Variants in ERICH1 observed in about 807,000 individuals in gnomAD.
The protein encoded by ERICH1 is glutamate-rich protein 1.
A neutral mutation model predicts 39.6 loss-of-function variants in ERICH1; 56 were observed. The observed-to-expected ratio is 1.41, with a 90% CI of 1.14 to 1.77. ERICH1 has a LOEUF of 1.77. ERICH1 is among the 40% of genes most tolerant of loss of function. The pLI is 0.00. For synonymous variants in ERICH1, 313 were observed against 223.6 expected, an observed-to-expected ratio of 1.40 and a Z score of -3.57; for missense variants, 826 against 575.4, an observed-to-expected ratio of 1.44 and a Z score of -4.45.
At chr8:655,936 C>A (rs1298532024) in intron 3 of ERICH1, among the ~76,000 whole-genome samples, 1 of 152,152 alleles carries the variant, frequency 6.6e-6, no homozygotes, top group Admixed American at 6.5e-5. Flanking sequence ...CGCAGTTACA[C>A]CCAATCGCAA....
chr8:687,188 G>C (rs534476598), intron 3 of ERICH1, among the ~76,000 whole-genome samples: 2 of 152,200 alleles, frequency 1.3e-5, no homozygotes, highest in Non-Finnish European at 2.9e-5. Flanking sequence ...CATCACAACA[G>C]CTCTCCACAG....
At chr8:688,749 T>A (rs1384201445) in intron 3 of ERICH1, among the ~76,000 whole-genome samples, 2 of 152,058 alleles carry the variant, frequency 1.3e-5, no homozygotes, top group African/African-American at 4.8e-5. Context: ...TGCTACTGAA[T>A]AAAAACAATG....
chr8:717,965 C>T (rs1210921188), intron 1 of ERICH1, among the ~76,000 whole-genome samples: 1 of 152,248 alleles, frequency 6.6e-6, no homozygotes, highest in Non-Finnish European at 1.5e-5. Context: ...ACAGAGTTTT[C>T]TGAAACAAGG....
At chr8:696,191 T>TC (rs1208582395) in intron 2 of ERICH1, among the ~76,000 whole-genome samples, 1 of 24,112 alleles carries the variant, frequency 4.1e-5, no homozygotes. Context: ...CACCCTCCAC[T>TC]CCTCTCCTTC....
At chr8:709,237 T>C (rs745901532) in intron 2 of ERICH1, among the ~76,000 whole-genome samples, 7 of 152,158 alleles carry the variant, frequency 4.6e-5, no homozygotes, top group South Asian at 2.1e-4. Flanking sequence ...TTGCTTGTAA[T>C]TGAAGGGTCT....
At chr8:726,960 CACATGCACACACGTACACAT>C (rs1563377662) in intron 1 of ERICH1, among the ~76,000 whole-genome samples, 1,921 of 137,344 alleles carry the variant, frequency 0.014, 59 homozygotes, top group African/African-American at 0.066. Flanking sequence ...CAGGCACATA[CACATGCACACACGTACACAT>C]ACACATACAC....
intron 3 of ERICH1, among the ~76,000 whole-genome samples, chr8:636,768 C>G (rs1005754750): frequency 2.0e-5 from 3 of 152,362 alleles, no homozygotes; most frequent in East Asian, 1.9e-4. Context: ...CTGATGAGGC[C>G]CCAGACGTGC....
At chr8:715,346 T>A (rs1563337564) in intron 2 of ERICH1, among the ~76,000 whole-genome samples, 1 of 151,808 alleles carries the variant, frequency 6.6e-6, no homozygotes, top group Non-Finnish European at 1.5e-5. Flanking sequence ...GTGAGCGGAG[T>A]TGCACTGCAG....
At chr8:621,858 T>C (rs1439861662) in intron 3 of ERICH1, among the ~76,000 whole-genome samples, 1 of 152,164 alleles carries the variant, frequency 6.6e-6, no homozygotes, top group African/African-American at 2.4e-5. Context: ...TAGAAAAACA[T>C]AAACTACCCA....
chr8:686,669 G>C (rs1694888283), intron 3 of ERICH1: 1 of 152,230 alleles, frequency 6.6e-6, no homozygotes, highest in African/African-American at 2.4e-5. Flanking sequence ...AGCCTTTTCT[G>C]ATGGCCCAGG....
chr8:664,735 G>A, intron 5 of ERICH1, 59 bp from the exon 6 acceptor site: 1 of 1,431,010 alleles, frequency 7.0e-7, no homozygotes, highest in South Asian at 1.2e-5. Flanking sequence ...AAAATCATAA[G>A]TTATTATTAT....
intron 1 of ERICH1, among the ~76,000 whole-genome samples, chr8:724,856 A>T (rs1818209220): frequency 6.6e-6 from 1 of 152,092 alleles, no homozygotes. Context: ...GGAACCCAGA[A>T]CCCGGGAAGC....
chr8:688,077 C>T (rs893476466), intron 3 of ERICH1, among the ~76,000 whole-genome samples: 1 of 152,182 alleles, frequency 6.6e-6, no homozygotes, highest in Non-Finnish European at 1.5e-5. Flanking sequence ...ATTCCTCAGG[C>T]ACCCAATGCA....
chr8:681,190 C>T (rs1044048245), intron 3 of ERICH1, among the ~76,000 whole-genome samples: 1 of 152,184 alleles, frequency 6.6e-6, no homozygotes, highest in Admixed American at 6.5e-5. Flanking sequence ...CAGGGTCACC[C>T]AAATCGCCAC....
chr8:633,122 C>T (rs577056458), intron 3 of ERICH1, among the ~76,000 whole-genome samples: 3 of 151,948 alleles, frequency 2.0e-5, no homozygotes, highest in East Asian at 3.9e-4. Context: ...GTGGAGCCAC[C>T]GTGGTGCTGC....
intron 3 of ERICH1, among the ~76,000 whole-genome samples, chr8:682,186 G>A (rs986924756): frequency 4.6e-5 from 7 of 152,058 alleles, no homozygotes; most frequent in African/African-American, 1.7e-4. Context: ...GGTCTGACAG[G>A]TGTCTTGACC....
intron 3 of ERICH1, among the ~76,000 whole-genome samples, chr8:634,914 C>G (rs1330440371): frequency 1.3e-5 from 2 of 152,174 alleles, no homozygotes; most frequent in African/African-American, 2.4e-5. Context: ...CCGCAAGGAC[C>G]TTGGGAGCTG....
chr8:683,035 T>C (rs1806483944), intron 3 of ERICH1, among the ~76,000 whole-genome samples: 1 of 152,206 alleles, frequency 6.6e-6, no homozygotes, highest in Non-Finnish European at 1.5e-5. Flanking sequence ...GTTGTTTGCC[T>C]AAAATCCAGG....
chr8:627,356 A>G (rs1797649735), intron 3 of ERICH1: 1 of 387,586 alleles, frequency 2.6e-6, no homozygotes, highest in African/African-American at 2.1e-5. Context: ...CCATTCCTGG[A>G]CAGGAAAAGT....
Sources: gnomAD v4.1 joint callset for allele counts (sites outside exome capture counted in the v4.1 genomes callset) on GRCh38, gnomAD v4.1.1 for gene constraint, MANE v1.5 for transcripts, NCBI Gene and HGNC (gene_info 2026-07-23, HGNC 2026-07-21) for gene names.